DLC1: variants seen among roughly 807,000 people sequenced by gnomAD.
The protein encoded by DLC1 is DLC1 Rho GTPase activating protein, also known as rho GTPase-activating protein 7.
Under a neutral mutation model 140.3 loss-of-function variants are expected in DLC1, and 54 were observed. The observed-to-expected ratio is 0.38, with a 90% CI of 0.31 to 0.48. The LOEUF is 0.48. DLC1 is among the 20% of genes least tolerant of loss of function. The probability of loss-of-function intolerance (pLI) is 0.96; values close to 1 mark genes in which losing one functional copy is unlikely to be tolerated. For missense variants in DLC1, 2,536 were observed against 1,907.0 expected (o/e 1.33, Z -6.14); for synonymous variants, 986 against 728.1 (o/e 1.35, Z -5.70).
intron 5 of DLC1, among the ~76,000 whole-genome samples, chr8:13,156,260 A>G (rs1824247503): frequency 6.6e-6 from 1 of 152,212 alleles, no homozygotes; most frequent in South Asian, 2.1e-4. Flanking sequence ...ACTTTCTGCC[A>G]TGAATATCAT....
chr8:13,408,925 G>A (rs1207099029), intron 2 of DLC1, among the ~76,000 whole-genome samples: 4 of 151,786 alleles, frequency 2.6e-5, no homozygotes, highest in Non-Finnish European at 5.9e-5. Flanking sequence ...ATTGTTTTTA[G>A]GAATATTATG....
rs186302175 is a variant in DLC1, at chr8:13,489,072, C to T, written c.1023+9977G>A. Among the ~76,000 whole-genome samples, 305 of 152,200 alleles carry T rather than the reference C, an allele frequency of 2.0e-3. 2 individuals are homozygous for T. The highest frequency in any genetic ancestry group is 3.5e-3 in the Admixed American group (54 of 15,288). ...AAGTGACTCTCCTGTCTCAGTCTCC[C>T]GAGCAGCTGGGATTACAGGTGCATG... On this transcript the variant is annotated intron_variant, in intron 2 of 17. Transcript: ENST00000276297.
At chr8:13,475,748 G>A (rs1800406761) in intron 2 of DLC1, among the ~76,000 whole-genome samples, 1 of 152,166 alleles carries the variant, frequency 6.6e-6, no homozygotes, top group African/African-American at 2.4e-5. Context: ...GGTACATGAG[G>A]CTAAAAGTGA....
intron 5 of DLC1, among the ~76,000 whole-genome samples, chr8:13,267,109 T>C (rs1370444619): frequency 1.3e-5 from 2 of 152,228 alleles, no homozygotes; most frequent in African/African-American, 4.8e-5. Context: ...AAAAGAAAGA[T>C]GTTTCCAGTG....
intron 5 of DLC1, among the ~76,000 whole-genome samples, chr8:13,193,804 G>A (rs1039324861): frequency 6.6e-6 from 1 of 152,062 alleles, no homozygotes; most frequent in African/African-American, 2.4e-5. Flanking sequence ...AGCCCTCTCT[G>A]GGAGGTGGAA....
At chr8:13,489,205 C>A (rs80249596) in intron 2 of DLC1, among the ~76,000 whole-genome samples, 17,460 of 152,030 alleles carry the variant, frequency 0.11, 1,248 homozygotes, top group East Asian at 0.23. Flanking sequence ...CTTTGGCTCC[C>A]CAAAGTGCTG....
chr8:13,456,159 A>G (rs976761292), intron 2 of DLC1, among the ~76,000 whole-genome samples: 1 of 152,140 alleles, frequency 6.6e-6, no homozygotes, highest in Non-Finnish European at 1.5e-5. Context: ...GGGTCCATGG[A>G]TCCCTAATAA....
intron 12 of DLC1, 84 bp from the exon 13 acceptor site, chr8:13,092,909 T>A: frequency 7.0e-7 from 1 of 1,422,060 alleles, no homozygotes; most frequent in Non-Finnish European, 9.6e-7. Flanking sequence ...AATATCGGCA[T>A]CAAATACCTC....
chr8:13,091,732 G>T (rs890048880), intron 13 of DLC1, among the ~76,000 whole-genome samples: 5 of 152,100 alleles, frequency 3.3e-5, no homozygotes, highest in African/African-American at 1.2e-4. Flanking sequence ...TTGCATGGTG[G>T]GGGAGCAACT....
chr8:13,085,136 C>T lies in DLC1; in HGVS notation c.*675G>A, dbSNP rs1817450083. ...TTACAATCAAAGTACAGAAGAGGTT[C>T]GTGGAAAAGGAATATGCTTAATAAC... On this transcript the variant is annotated 3_prime_UTR_variant, in exon 18 of 18. Coordinates refer to ENST00000276297, the MANE Select transcript of DLC1 (RefSeq NM_182643.3). The T allele has an allele frequency of 6.6e-6, 1 of 152,014 alleles. No individual in the cohort carries two copies. Among genetic ancestry groups the T allele is most frequent in the African/African-American group, 2.4e-5 (1 of 41,392 alleles). The allele number at this position is 152,014 out of a possible 1,614,324, so 9.4% of individuals were successfully genotyped here.
At chr8:13,407,327 T>C (rs1837613284) in intron 2 of DLC1, among the ~76,000 whole-genome samples, 1 of 151,944 alleles carries the variant, frequency 6.6e-6, no homozygotes, top group Non-Finnish European at 1.5e-5. Flanking sequence ...ACAACAGGAG[T>C]CTCCTCTCTG....
intron 5 of DLC1, chr8:13,276,499 A>T: frequency 7.6e-7 from 1 of 1,313,470 alleles, no homozygotes; most frequent in Non-Finnish European, 9.6e-7. Context: ...GCCTGCCTTC[A>T]GGAGGCCGGC....
At chr8:13,446,129 C>A (rs1008112957) in intron 2 of DLC1, among the ~76,000 whole-genome samples, 1 of 151,994 alleles carries the variant, frequency 6.6e-6, no homozygotes, top group Admixed American at 6.6e-5. Context: ...AAAGAACTCT[C>A]CCCCCCTCTG....
In DLC1 at chr8:13,401,620, C is replaced by G; in HGVS notation, c.1024-1G>C. The G allele has an allele frequency of 6.2e-7, 1 of 1,611,738 alleles. No homozygotes were observed. The highest frequency in any genetic ancestry group is 1.7e-5 in the Admixed American group (1 of 59,586). On this transcript the variant is annotated splice_acceptor_variant, in intron 2 of 17. Coordinates refer to ENST00000276297, the MANE Select transcript of DLC1 (RefSeq NM_182643.3). LOFTEE classifies it high-confidence loss of function. ...CCCTATCTCGATCTTCTCTTATTTC[C>G]TGAGGAACAGAACATTTTGTTACTG...
intron 5 of DLC1, among the ~76,000 whole-genome samples, chr8:13,185,298 T>G (rs1826297228): frequency 7.0e-6 from 1 of 142,310 alleles, no homozygotes; most frequent in Non-Finnish European, 1.5e-5. Flanking sequence ...TTTTGTTTGT[T>G]TGTTTGTTTG....
chr8:13,453,422 ATGTG>A (rs780984849), intron 2 of DLC1, among the ~76,000 whole-genome samples: 1,389 of 31,960 alleles, frequency 0.043, 104 homozygotes, highest in East Asian at 0.13. Context: ...ATATATATAT[ATGTG>A]TATATATATA....
At chr8:13,276,297 A>G in intron 5 of DLC1, 1 of 1,535,330 alleles carries the variant, frequency 6.5e-7, no homozygotes, top group Non-Finnish European at 8.7e-7. Flanking sequence ...TTTCCAAATG[A>G]CATCCAGGGC....
chr8:13,292,560 T>C (rs1425430850), intron 5 of DLC1, among the ~76,000 whole-genome samples: 1 of 152,204 alleles, frequency 6.6e-6, no homozygotes, highest in Non-Finnish European at 1.5e-5. Context: ...ATCTTTGTTT[T>C]GTATAGATGG....
At position 13,089,849 on chromosome 8, in the gene DLC1, C is replaced by T. The variant is rs959364543; in HGVS notation, c.4074+403G>A. ...AGTTAATTTCCCCCTAAGGGATCCC[C>T]GCTCATTAAAGGGCCAAGAGAACAG... On this transcript the variant is annotated intron_variant, in intron 15 of 17. Coordinates refer to ENST00000276297, the MANE Select transcript of DLC1 (RefSeq NM_182643.3). Among the ~76,000 whole-genome samples, 2 of 152,112 alleles carry T rather than the reference C, an allele frequency of 1.3e-5. 1 individual carries two copies. The highest frequency in any genetic ancestry group is 1.3e-4 in the Admixed American group (2 of 15,266).
Sources: allele counts gnomAD v4.1 joint callset (sites outside exome capture counted in the v4.1 genomes callset), GRCh38; gene constraint gnomAD v4.1.1; transcripts MANE v1.5; gene names NCBI Gene and HGNC (gene_info 2026-07-23, HGNC 2026-07-21).